The following DLGAP4 variants were observed in gnomAD, a reference collection of about 807,000 sequenced individuals.
DLGAP4 encodes the protein disks large-associated protein 4.
A neutral mutation model predicts 86.9 loss-of-function variants in DLGAP4; 18 were observed. That is an observed-to-expected ratio of 0.21 (90% CI 0.14 to 0.31). The LOEUF (loss-of-function observed/expected upper bound fraction) is 0.31, where lower values mean the gene tolerates loss of function less well. Among genes scored for constraint, DLGAP4 ranks in the 10% least tolerant of loss-of-function variants. The probability of loss-of-function intolerance (pLI) is 1.00; values close to 1 mark genes in which losing one functional copy is unlikely to be tolerated. For missense variants in DLGAP4, 1,085 were observed against 1,362.6 expected, an observed-to-expected ratio of 0.80 and a Z score of 3.21; for synonymous variants, 548 against 574.3, an observed-to-expected ratio of 0.95 and a Z score of 0.65.
chr20:36,386,754 T>C (rs1003083066), intron 2 of DLGAP4, among the ~76,000 whole-genome samples: 2 of 152,204 alleles, frequency 1.3e-5, no homozygotes, highest in African/African-American at 4.8e-5. Flanking sequence ...GCCCAGCTAA[T>C]TTTTTATTTG....
chr20:36,386,880 A>C (rs369776431), intron 2 of DLGAP4, among the ~76,000 whole-genome samples: 1 of 152,196 alleles, frequency 6.6e-6, no homozygotes, highest in South Asian at 2.1e-4. Context: ...TAATCAATTA[A>C]TATATTTGCA....
chr20:36,473,599 C>T (rs1408627279), intron 7 of DLGAP4, among the ~76,000 whole-genome samples: 1 of 152,152 alleles, frequency 6.6e-6, no homozygotes, highest in East Asian at 1.9e-4. Flanking sequence ...AATATGGTAT[C>T]AATTTTGTTG....
intron 2 of DLGAP4, among the ~76,000 whole-genome samples, chr20:36,371,571 T>C (rs1450902976): frequency 6.6e-6 from 1 of 152,200 alleles, no homozygotes; most frequent in Non-Finnish European, 1.5e-5. Context: ...TGGACAGTGC[T>C]CATGTAACAT....
At chr20:36,315,634 A>G (rs1002817640) in intron 1 of DLGAP4, among the ~76,000 whole-genome samples, 2 of 152,110 alleles carry the variant, frequency 1.3e-5, no homozygotes, top group Admixed American at 1.3e-4. Context: ...TTTGAGCAAC[A>G]TTCCTGAGGC....
Position 36,432,029 on chromosome 20 carries a change from C to A in DLGAP4, c.312C>A (p.Leu104=), listed in dbSNP as rs1468556485. 6.2e-7 allele frequency: 1 copy of A among 1,614,192 alleles called. No individual in the cohort carries two copies. Among genetic ancestry groups the A allele is most frequent in the South Asian group, 1.1e-5 (1 of 91,084 alleles). Residue 104 remains leucine (L), a synonymous_variant, in exon 3 of 13, where the codon CTC becomes CTA. Coordinates refer to ENST00000339266, the MANE Select transcript of DLGAP4 (RefSeq NM_001365621.2). The surrounding 1 kb of genome is among the most constrained non-coding windows in gnomAD (Gnocchi z 6.5). ...ATKINRLPAN[L]LDQFEKQLPI... ...AGATCAACCGGCTGCCCGCCAACCT[C>A]CTGGACCAGTTTGAGAAGCAGCTGC...
At chr20:36,478,267 C>T (rs775201294) in intron 7 of DLGAP4, among the ~76,000 whole-genome samples, 1 of 152,060 alleles carries the variant, frequency 6.6e-6, no homozygotes, top group Non-Finnish European at 1.5e-5. Context: ...GGAGTCTTCT[C>T]GACACAGGCA....
At chr20:36,309,023 C>T (rs1441061760) in intron 1 of DLGAP4, among the ~76,000 whole-genome samples, 22 of 151,286 alleles carry the variant, frequency 1.5e-4, no homozygotes, top group Admixed American at 1.2e-3. Context: ...TGGCTCGGGT[C>T]CCCCTGGCGG....
chr20:36,518,226 CA>C (rs113911192), intron 10 of DLGAP4, among the ~76,000 whole-genome samples: 5,581 of 131,552 alleles, frequency 0.042, 329 homozygotes, highest in African/African-American at 0.14. Context: ...GACTCGGTCT[CA>C]AAAAAAAAAA....
At chr20:36,466,120 C>T (rs1432866126) in intron 7 of DLGAP4, among the ~76,000 whole-genome samples, 1 of 152,226 alleles carries the variant, frequency 6.6e-6, no homozygotes, top group South Asian at 2.1e-4. Context: ...GCAGGAATCA[C>T]ATGCCCCTAG....
chr20:36,413,293 TTCA>T (rs1160322918), intron 2 of DLGAP4, among the ~76,000 whole-genome samples: 2 of 150,496 alleles, frequency 1.3e-5, no homozygotes, highest in Non-Finnish European at 3.0e-5. Flanking sequence ...CCAGAACTCT[TTCA>T]TCACCCCTAA....
chr20:36,405,289 C>T (rs2032285184), intron 2 of DLGAP4, among the ~76,000 whole-genome samples: 2 of 152,188 alleles, frequency 1.3e-5, no homozygotes, highest in Admixed American at 6.5e-5. Context: ...GGGCAAATTA[C>T]TTATTCTCAG....
intron 6 of DLGAP4, among the ~76,000 whole-genome samples, chr20:36,444,419 G>T (rs1278042289): frequency 3.9e-5 from 6 of 151,970 alleles, no homozygotes; most frequent in African/African-American, 7.3e-5. Flanking sequence ...GAGTAGCTGG[G>T]ACTACAGGCA....
chr20:36,446,896 C>T lies in DLGAP4; in HGVS notation c.1607C>T (p.Pro536Leu), dbSNP rs749795844. The T allele has an allele frequency of 3.3e-5, 54 of 1,612,370 alleles. No individual in the cohort carries two copies. Among genetic ancestry groups the T allele is most frequent in the African/African-American group, 5.3e-5 (4 of 74,904 alleles). Residue 536 changes from proline to leucine, a missense_variant, in exon 7 of 13, where the codon CCG becomes CTG. Pro to Leu is a moderately conservative substitution (Grantham distance 98, BLOSUM62 -3). Coordinates refer to ENST00000339266, the MANE Select transcript of DLGAP4 (RefSeq NM_001365621.2). ...GTCTCCCTGCAGTCCCTCTCCCCAC[C>T]GCCCAGTACCGGCAGCCTCAGCAAT... The part of the protein sequence containing the change: ...DSVSLQSLSP[P>L]PSTGSLSNSR...
intron 2 of DLGAP4, among the ~76,000 whole-genome samples, chr20:36,428,574 C>A (rs972315797): frequency 1.3e-5 from 2 of 152,220 alleles, no homozygotes; most frequent in Non-Finnish European, 2.9e-5. Flanking sequence ...ATCCTCCCCA[C>A]CCTCTGCCCC....
chr20:36,494,315 C>T (rs902498902), intron 7 of DLGAP4, among the ~76,000 whole-genome samples: 4 of 152,202 alleles, frequency 2.6e-5, no homozygotes, highest in Non-Finnish European at 5.9e-5. Context: ...AAAGAACTCA[C>T]TGCAGAGCTG....
chr20:36,486,495 G>A (rs148141595), intron 7 of DLGAP4, among the ~76,000 whole-genome samples: 88 of 150,960 alleles, frequency 5.8e-4, no homozygotes, highest in African/African-American at 2.1e-3. Flanking sequence ...AACATGCTTG[G>A]AGCATTTGAG....
chr20:36,417,399 T>C (rs987606938), intron 2 of DLGAP4, among the ~76,000 whole-genome samples: 3 of 151,654 alleles, frequency 2.0e-5, no homozygotes, highest in Non-Finnish European at 4.4e-5. Context: ...TTGTTTTTTC[T>C]GAGTTAGGGT....
chr20:36,410,326 A>G (rs2032462893), intron 2 of DLGAP4, among the ~76,000 whole-genome samples: 1 of 152,080 alleles, frequency 6.6e-6, no homozygotes, highest in South Asian at 2.1e-4. Flanking sequence ...TGGGGTGTTC[A>G]TTTCCCCAGG....
At chr20:36,519,980 G>C (rs1430545411) in intron 10 of DLGAP4, among the ~76,000 whole-genome samples, 1 of 150,838 alleles carries the variant, frequency 6.6e-6, no homozygotes, top group Non-Finnish European at 1.5e-5. Flanking sequence ...TCTTTTGGTA[G>C]AGAAGAGGTC....
Sources: gnomAD v4.1 joint callset for allele counts (sites outside exome capture counted in the v4.1 genomes callset) on GRCh38, gnomAD v4.1.1 for gene constraint, Gnocchi (gnomAD v3.1) non-coding constraint, MANE v1.5 for transcripts, NCBI Gene and HGNC (gene_info 2026-07-23, HGNC 2026-07-21) for gene names.